LRRK1: variants seen among roughly 807,000 people sequenced by gnomAD.
LRRK1 encodes the protein leucine rich repeat kinase 1, also known as leucine-rich repeat serine/threonine-protein kinase 1.
A neutral mutation model predicts 209.1 loss-of-function variants in LRRK1; 113 were observed. The observed-to-expected ratio is 0.54, with a 90% confidence interval of 0.46 to 0.63. The LOEUF is 0.63. LRRK1 is among the 30% of genes least tolerant of loss of function. The pLI, the probability that LRRK1 is intolerant of heterozygous loss-of-function variation, is 0.00. For synonymous variants in LRRK1, 1,144 were observed against 1,099.7 expected (o/e 1.04, Z -0.80); for missense variants, 2,284 against 2,632.2 (o/e 0.87, Z 2.89).
At chr15:100,949,056 G>T (rs979968873) in intron 2 of LRRK1, among the ~76,000 whole-genome samples, 4 of 151,954 alleles carry the variant, frequency 2.6e-5, no homozygotes, top group African/African-American at 9.7e-5. Context: ...GAATATAAAA[G>T]CAGTAGGGAA....
At chr15:100,996,463 G>A (rs909339414) in intron 6 of LRRK1, among the ~76,000 whole-genome samples, 107 of 152,246 alleles carry the variant, frequency 7.0e-4, no homozygotes, top group African/African-American at 2.4e-3. Flanking sequence ...GGGTCATGAA[G>A]TAAACCCTGG....
intron 2 of LRRK1, among the ~76,000 whole-genome samples, chr15:100,956,455 C>CTTTTCTTTTTTTTTTT (rs2042760510): frequency 5.0e-5 from 3 of 60,534 alleles, no homozygotes; most frequent in African/African-American, 1.7e-4. Flanking sequence ...TTTTTTTTTT[C>CTTTTCTTTTTTTTTTT]TTTTTTTTTT....
chr15:100,924,681 C>T lies in LRRK1; in HGVS notation c.49C>T (p.Pro17Ser). The change falls in exon 2 of 34, where the codon CCG becomes TCG. Residue 17 changes from proline to serine, a missense_variant. Coordinates refer to ENST00000388948, the MANE Select transcript of LRRK1 (RefSeq NM_024652.6). Reference protein sequence around the residue: ...RPPSMYWCVGPEESAVCPERA... With the variant: ...RPPSMYWCVGSEESAVCPERA... ...CCCCAGCATGTACTGGTGTGTGGGG[C>T]CGGAGGAGTCAGCTGTGTGTCCAGA... 6.2e-7 allele frequency: 1 copy of T among 1,614,078 alleles called. No individual in the cohort carries two copies.
chr15:100,998,132 A>G (rs1341038072), intron 6 of LRRK1, among the ~76,000 whole-genome samples: 2 of 151,592 alleles, frequency 1.3e-5, no homozygotes, highest in Non-Finnish European at 2.9e-5. Context: ...GTGAGCCGAG[A>G]TAGTGCCATT....
At chr15:101,060,045 G>A (rs2036067371) in intron 29 of LRRK1, among the ~76,000 whole-genome samples, 1 of 152,214 alleles carries the variant, frequency 6.6e-6, no homozygotes, top group Admixed American at 6.5e-5. Flanking sequence ...CCAGAGGGAA[G>A]ACAGAGGCCT....
chr15:101,012,907 G>A (rs138049759), intron 10 of LRRK1, among the ~76,000 whole-genome samples: 54 of 152,220 alleles, frequency 3.5e-4, no homozygotes, highest in African/African-American at 1.1e-3. Flanking sequence ...CCCCGGGGGG[G>A]GGTGGTCCCA....
intron 2 of LRRK1, among the ~76,000 whole-genome samples, chr15:100,928,376 C>T (rs888489087): frequency 1.3e-5 from 2 of 152,196 alleles, no homozygotes; most frequent in African/African-American, 2.4e-5. Flanking sequence ...TTTGTCCCAT[C>T]CCACCTTCTC....
intron 23 of LRRK1, among the ~76,000 whole-genome samples, chr15:101,050,413 G>A (rs1481574003): frequency 6.6e-6 from 1 of 152,218 alleles, no homozygotes; most frequent in East Asian, 1.9e-4. Context: ...GCCTGCCAGG[G>A]GGAGGCCATC....
At chr15:100,951,210 A>G (rs1440747871) in intron 2 of LRRK1, among the ~76,000 whole-genome samples, 2 of 152,228 alleles carry the variant, frequency 1.3e-5, no homozygotes, top group African/African-American at 4.8e-5. Context: ...ATTAATCATT[A>G]TGGAAATGCG....
intron 12 of LRRK1, among the ~76,000 whole-genome samples, chr15:101,019,992 A>G (rs1180644930): frequency 6.6e-6 from 1 of 152,200 alleles, no homozygotes; most frequent in East Asian, 1.9e-4. Context: ...TAAATACTAA[A>G]CAGTTGGCTG....
rs751200785 is a variant in LRRK1 at position 101,066,694 on chromosome 15, G to A, written c.5823G>A (p.Arg1941=). The A allele has an allele frequency of 1.2e-6, 2 of 1,614,214 alleles. No homozygotes were observed. The highest frequency in any genetic ancestry group is 2.2e-5 in the East Asian group (1 of 44,880). Residue 1941 remains arginine (R), a synonymous_variant, in exon 33 of 34, where the codon CGG becomes CGA. Transcript: ENST00000388948. The stretch of plus-strand genomic sequence containing the variant: ...TGGAGAAGGATTCTGGCGCCCAGCG[G>A]GGCCGAGTCATTGCCGTCTTAAAAG... ...IGLEKDSGAQ[R]GRVIAVLKAR...
At chr15:101,048,419 G>A (rs762533986) in intron 21 of LRRK1, 75 bp from the exon 22 acceptor site, 215 of 1,350,438 alleles carry the variant, frequency 1.6e-4, no homozygotes, top group African/African-American at 5.2e-4. Flanking sequence ...GGCCCAGCCC[G>A]GCCTCTGCAG....
At chr15:101,053,838 C>G (rs1047280441) in intron 26 of LRRK1, among the ~76,000 whole-genome samples, 1 of 152,062 alleles carries the variant, frequency 6.6e-6, no homozygotes, top group Non-Finnish European at 1.5e-5. Context: ...CATAAAATGT[C>G]GAAGTAATTT....
At chr15:101,005,735 T>TCTCCCACCCCAGTGGGGCTCC (rs918477471) in intron 6 of LRRK1, among the ~76,000 whole-genome samples, 5 of 152,092 alleles carry the variant, frequency 3.3e-5, no homozygotes, top group African/African-American at 1.2e-4. Context: ...CAGGGGGCTC[T>TCTCCCACCCCAGTGGGGCTCC]CTCCCACCCC....
chr15:101,042,441 T>C (rs1254587338), intron 20 of LRRK1, among the ~76,000 whole-genome samples: 1 of 152,098 alleles, frequency 6.6e-6, no homozygotes. Context: ...TCTCATGTGA[T>C]CAAGGATGCC....
intron 3 of LRRK1, among the ~76,000 whole-genome samples, chr15:100,983,275 A>C (rs1466958959): frequency 6.6e-6 from 1 of 152,244 alleles, no homozygotes; most frequent in Non-Finnish European, 1.5e-5. Flanking sequence ...CATGTAATCA[A>C]CATAAATTAT....
In LRRK1 at chr15:101,075,720, G is replaced by T. The variant is rs938797411; in HGVS notation, c.*6872G>T. On this transcript the variant is annotated 3_prime_UTR_variant, in exon 34 of 34. Coordinates refer to ENST00000388948, the MANE Select transcript of LRRK1 (RefSeq NM_024652.6). ...CATTGTTTTGCCTATCCACCCCATG[G>T]TGTCAAACCCATATACTCTCCTATC... 5 of 128,018 alleles carry T rather than the reference G, an allele frequency of 3.9e-5. No homozygotes were observed. The highest frequency in any genetic ancestry group is 1.3e-4 in the African/African-American group (5 of 37,530). 7.9% of individuals were successfully genotyped at this position (128,018 alleles called of 1,614,324 possible).
rs1258851875 is a variant in LRRK1, at chr15:101,072,465, A to T, written c.*3617A>T. The T allele has an allele frequency of 6.6e-6, 1 of 152,264 alleles. No homozygotes were observed. The highest frequency in any genetic ancestry group is 1.5e-5 in the Non-Finnish European group (1 of 68,060). The allele number at this position is 152,264 out of a possible 1,614,324, so 9.4% of individuals were successfully genotyped here. A position where few individuals can be genotyped will look rare whatever the true frequency, so the allele number is the denominator to read the frequency against. Reference sequence around the variant, plus strand: ...AAGATATAATAAATGCATTTGTTTGAAAGCAGCTTGCAGCACAGTGCGTCA... The same window carrying T: ...AAGATATAATAAATGCATTTGTTTGTAAGCAGCTTGCAGCACAGTGCGTCA... On this transcript the variant is annotated 3_prime_UTR_variant, in exon 34 of 34. Transcript: ENST00000388948.
chr15:101,052,833 A>C, intron 24 of LRRK1, 89 bp from the exon 25 acceptor site: 4 of 1,445,446 alleles, frequency 2.8e-6, no homozygotes, highest in Non-Finnish European at 2.8e-6. Context: ...TTGAACCATG[A>C]CTCTCGGCCG....
Sources: gnomAD v4.1 joint callset for allele counts (sites outside exome capture counted in the v4.1 genomes callset) on GRCh38, gnomAD v4.1.1 for gene constraint, MANE v1.5 for transcripts, NCBI Gene and HGNC (gene_info 2026-07-23, HGNC 2026-07-21) for gene names.